Variants in SCARA3 observed in about 807,000 individuals in gnomAD.
SCARA3 encodes cellular stress response gene protein.
Under a neutral mutation model 47.0 loss-of-function variants are expected in SCARA3, and 39 were observed. That is an observed-to-expected ratio of 0.83 (90% CI 0.64 to 1.08). The LOEUF (loss-of-function observed/expected upper bound fraction) is 1.08. Ranked by LOEUF, SCARA3 falls within the 50% of genes least tolerant of loss-of-function variation. The probability of loss-of-function intolerance (pLI) is 0.00; values close to 1 mark genes in which losing one functional copy is unlikely to be tolerated. For synonymous variants in SCARA3, 356 were observed against 334.1 expected, an observed-to-expected ratio of 1.07 and a Z score of -0.71; for missense variants, 724 against 792.3, an observed-to-expected ratio of 0.91 and a Z score of 1.04.
At chr8:27,695,162 C>A in the SCARA3 span, among the ~76,000 whole-genome samples, 1 of 152,144 alleles carries the variant, frequency 6.6e-6, no homozygotes, top group African/African-American at 2.4e-5. Context: ...TGAGACATCA[C>A]AGAAGCTGTG....
At chr8:27,650,019 G>A (rs1430526320) in intron 2 of SCARA3, among the ~76,000 whole-genome samples, 1 of 152,114 alleles carries the variant, frequency 6.6e-6, no homozygotes, top group Non-Finnish European at 1.5e-5. Flanking sequence ...TTAAAGACAT[G>A]GTTTTGCTGT....
chr8:27,719,558 GA>G, the SCARA3 span, among the ~76,000 whole-genome samples: 1 of 149,056 alleles, frequency 6.7e-6, no homozygotes, highest in African/African-American at 2.5e-5. Context: ...AAAAAGGAAT[GA>G]AGGTAAGGTC....
chr8:27,669,490 C>T (rs1802097043), intron 5 of SCARA3, among the ~76,000 whole-genome samples: 1 of 152,246 alleles, frequency 6.6e-6, no homozygotes, highest in African/African-American at 2.4e-5. Flanking sequence ...GGCTGCTGAG[C>T]TGCCAGGGGC....
intron 3 of SCARA3, 30 bp downstream of exon 3, chr8:27,651,657 G>A: frequency 6.2e-7 from 1 of 1,610,830 alleles, no homozygotes; most frequent in Non-Finnish European, 8.5e-7. Context: ...ACCCCGGGCT[G>A]CAGGGGGGTG....
intron 1 of SCARA3, among the ~76,000 whole-genome samples, chr8:27,645,610 C>T (rs1206044764): frequency 6.6e-6 from 1 of 152,240 alleles, no homozygotes; most frequent in Non-Finnish European, 1.5e-5. Flanking sequence ...GCCTTTGTGA[C>T]ATGATGGAGG....
At chr8:27,656,099 A>G (rs1801738430) in intron 3 of SCARA3, among the ~76,000 whole-genome samples, 1 of 152,228 alleles carries the variant, frequency 6.6e-6, no homozygotes, top group East Asian at 1.9e-4. Context: ...CTCGTCACGT[A>G]GGCATGGTGT....
At chr8:27,683,240 T>C in the SCARA3 span, among the ~76,000 whole-genome samples, 2 of 151,996 alleles carry the variant, frequency 1.3e-5, no homozygotes, top group Admixed American at 6.6e-5. Context: ...GCAAAACCAA[T>C]ATAGCGTGGT....
the SCARA3 span, among the ~76,000 whole-genome samples, chr8:27,725,335 A>C: frequency 0.02 from 3,100 of 151,794 alleles, 109 homozygotes; most frequent in African/African-American, 0.071. Flanking sequence ...ATGGGTGAGT[A>C]CTGCTCTATT....
chr8:27,708,382 G>A, the SCARA3 span, among the ~76,000 whole-genome samples: 1 of 152,168 alleles, frequency 6.6e-6, no homozygotes, highest in Non-Finnish European at 1.5e-5. Context: ...TACAAACAAT[G>A]TTTAAAAAGT....
At chr8:27,656,731 GT>G in intron 3 of SCARA3, 50 bp from the exon 4 acceptor site, 1 of 1,166,522 alleles carries the variant, frequency 8.6e-7, no homozygotes, top group Non-Finnish European at 1.3e-6. Context: ...AATGACTGCT[GT>G]TTCTCTGAGC....
rs1222443423 is a variant in SCARA3, at chr8:27,659,277, C to T, written c.1107C>T (p.Asn369=). 2 of 1,614,214 alleles carry T rather than the reference C, an allele frequency of 1.2e-6. No individual in the cohort carries two copies. Among genetic ancestry groups the T allele is most frequent in the Non-Finnish European group, 1.7e-6 (2 of 1,180,044 alleles). Residue 369 remains asparagine, a synonymous_variant, in exon 5 of 6, where the codon AAC becomes AAT. Transcript: ENST00000301904. ...TIFTNINATD[N]HVHSMLKYLD... ...TCACCAACATCAATGCCACCGACAACCACGTGCACAGCATGCTCAAGTACC... is the reference window on the plus strand; with the variant it reads ...TCACCAACATCAATGCCACCGACAATCACGTGCACAGCATGCTCAAGTACC...
At chr8:27,683,028 A>C in the SCARA3 span, among the ~76,000 whole-genome samples, 2 of 151,832 alleles carry the variant, frequency 1.3e-5, no homozygotes, top group African/African-American at 2.4e-5. Context: ...AACAAAAAAC[A>C]AAAAAAACAC....
At chr8:27,638,675 T>G (rs976092472) in intron 1 of SCARA3, among the ~76,000 whole-genome samples, 1 of 152,174 alleles carries the variant, frequency 6.6e-6, no homozygotes, top group African/African-American at 2.4e-5. Context: ...CGGCTCTGTA[T>G]GTCTATATAT....
At chr8:27,687,624 C>G in the SCARA3 span, among the ~76,000 whole-genome samples, 1 of 151,928 alleles carries the variant, frequency 6.6e-6, no homozygotes, top group African/African-American at 2.4e-5. Context: ...AACTGGAGGT[C>G]TTATAAATTT....
chr8:27,644,166 C>T (rs1040013421), intron 1 of SCARA3, among the ~76,000 whole-genome samples: 1 of 152,224 alleles, frequency 6.6e-6, no homozygotes, highest in Non-Finnish European at 1.5e-5. Context: ...AAGAGAGGCC[C>T]TTTCAAATTT....
chr8:27,715,446 C>T, the SCARA3 span, among the ~76,000 whole-genome samples: 1 of 152,148 alleles, frequency 6.6e-6, no homozygotes, highest in Non-Finnish European at 1.5e-5. The surrounding 1 kb of genome is among the most constrained non-coding windows in gnomAD (Gnocchi z 4.2). Context: ...ACCACCAATG[C>T]TCCACATGGA....
chr8:27,671,845 TG>T lies in SCARA3; in HGVS notation c.*496del. 2 of 985,608 alleles carry T rather than the reference TG, an allele frequency of 2.0e-6. No homozygotes were observed. The highest frequency in any genetic ancestry group is 9.4e-5 in the South Asian group (2 of 21,292). The allele number at this position is 985,608 out of a possible 1,614,324, so 61.1% of individuals were successfully genotyped here. On this transcript the variant is annotated 3_prime_UTR_variant, in exon 6 of 6. Transcript: ENST00000301904. ...CATGCACATACACAGATTTTTCTGC[TG>T]GCCAGGTGGGCCAACTGGGTTTCCC... is the stretch of plus-strand genomic sequence containing the variant.
downstream of SCARA3, among the ~76,000 whole-genome samples, chr8:27,681,576 G>A (rs370673611): frequency 6.6e-6 from 1 of 151,906 alleles, no homozygotes; most frequent in African/African-American, 2.4e-5. Flanking sequence ...AAAAATAATA[G>A]CCAGGTGTGG....
the SCARA3 span, among the ~76,000 whole-genome samples, chr8:27,724,090 G>A: frequency 6.6e-5 from 10 of 152,222 alleles, no homozygotes; most frequent in South Asian, 6.2e-4. Flanking sequence ...CACAACTCTC[G>A]GCTTGATGAC....
Sources: allele counts gnomAD v4.1 joint callset (sites outside exome capture counted in the v4.1 genomes callset), GRCh38; gene constraint gnomAD v4.1.1; non-coding constraint Gnocchi (gnomAD v3.1); transcripts MANE v1.5; gene names NCBI Gene and HGNC (gene_info 2026-07-23, HGNC 2026-07-21).